Variants in YPEL2 observed in about 807,000 individuals in gnomAD.
YPEL2 encodes yippee like 2, also known as protein yippee-like 2.
In YPEL2, 2 loss-of-function variants were observed where a neutral mutation model predicts 19.1. That is an observed-to-expected ratio of 0.10 (90% CI 0.04 to 0.33). The LOEUF (loss-of-function observed/expected upper bound fraction) is 0.33, where lower values mean the gene tolerates loss of function less well. YPEL2 is among the 10% of genes least tolerant of loss of function. The pLI is 1.00. For missense variants in YPEL2, 66 were observed against 140.7 expected (o/e 0.47, Z 2.68); for synonymous variants, 52 against 50.0 (o/e 1.04, Z -0.17).
chr17:59,355,996 G>A (rs1392005493), intron 2 of YPEL2: 1 of 152,114 alleles, frequency 6.6e-6, no homozygotes, highest in African/African-American at 2.4e-5. Context: ...AGCCACCCCC[G>A]GCGTTAAATA....
chr17:59,378,638 G>T (rs974966176), intron 2 of YPEL2, among the ~76,000 whole-genome samples: 2 of 152,056 alleles, frequency 1.3e-5, no homozygotes, highest in African/African-American at 4.8e-5. Flanking sequence ...TGCCTGGCTG[G>T]ATCTCTCCCT....
intron 1 of YPEL2, among the ~76,000 whole-genome samples, chr17:59,335,971 T>A (rs2047696845): frequency 6.6e-6 from 1 of 152,196 alleles, no homozygotes; most frequent in African/African-American, 2.4e-5. Flanking sequence ...TCCCCTTAAC[T>A]TTATTTTCTT....
chr17:59,361,317 G>A (rs2047839761), intron 2 of YPEL2, among the ~76,000 whole-genome samples: 1 of 152,146 alleles, frequency 6.6e-6, no homozygotes, highest in African/African-American at 2.4e-5. Flanking sequence ...GCGCGTGCAT[G>A]CACATAGCAC....
At chr17:59,355,763 TTTG>T (rs1372348630) in intron 2 of YPEL2, 3 of 152,204 alleles carry the variant, frequency 2.0e-5, no homozygotes, top group Non-Finnish European at 4.4e-5. Context: ...AAAAAAATAC[TTTG>T]TTGGCCTCAT....
At chr17:59,344,048 C>CCCCTGCT (rs1412189058) in intron 1 of YPEL2, among the ~76,000 whole-genome samples, 1 of 152,104 alleles carries the variant, frequency 6.6e-6, no homozygotes, top group African/African-American at 2.4e-5. Context: ...GCTTGGGCAA[C>CCCCTGCT]TGGAAGCAGG....
At chr17:59,396,958 GA>G (rs2147962440) in intron 4 of YPEL2, 142 bp from the exon 5 acceptor site, 1 of 518,112 alleles carries the variant, frequency 1.9e-6, no homozygotes, top group East Asian at 3.8e-5. Context: ...TCGAACCTGG[GA>G]GGCGGAGATT....
chr17:59,387,257 TAAAAA>T (rs373789547), intron 2 of YPEL2, among the ~76,000 whole-genome samples: 13 of 77,564 alleles, frequency 1.7e-4, no homozygotes, highest in African/African-American at 4.9e-4. Context: ...AGACTCCATC[TAAAAA>T]AAAAAAAAAA....
chr17:59,350,621 C>T (rs1464693213), intron 1 of YPEL2, among the ~76,000 whole-genome samples: 1 of 152,186 alleles, frequency 6.6e-6, no homozygotes, highest in Non-Finnish European at 1.5e-5. Flanking sequence ...ACATTTAATA[C>T]AAACAAGAAA....
At chr17:59,378,558 A>T (rs950939093) in intron 2 of YPEL2, among the ~76,000 whole-genome samples, 11 of 150,770 alleles carry the variant, frequency 7.3e-5, no homozygotes, top group Non-Finnish European at 1.5e-4. Flanking sequence ...CTCGTCTTGA[A>T]CTCCCTGACC....
chr17:59,366,695 T>G (rs1221603047), intron 2 of YPEL2, among the ~76,000 whole-genome samples: 1 of 152,182 alleles, frequency 6.6e-6, no homozygotes, highest in African/African-American at 2.4e-5. Context: ...GCCTTTCCCC[T>G]TCAGATGCCA....
intron 2 of YPEL2, among the ~76,000 whole-genome samples, chr17:59,376,915 C>T (rs1276096539): frequency 7.6e-6 from 1 of 130,960 alleles, no homozygotes; most frequent in Non-Finnish European, 1.6e-5. Context: ...CACCACTGCA[C>T]TCCAACCTGA....
chr17:59,365,579 G>T (rs115196142), intron 2 of YPEL2, among the ~76,000 whole-genome samples: 3,006 of 152,194 alleles, frequency 0.02, 102 homozygotes, highest in African/African-American at 0.068. Context: ...CACTTCGGGT[G>T]GGGGGGAATC....
intron 2 of YPEL2, among the ~76,000 whole-genome samples, chr17:59,381,511 C>T (rs1222856437): frequency 6.6e-6 from 1 of 152,180 alleles, no homozygotes; most frequent in Non-Finnish European, 1.5e-5. Context: ...CACATTTGCT[C>T]TGTTGCTGCC....
At chr17:59,341,015 G>C (rs1444601956) in intron 1 of YPEL2, among the ~76,000 whole-genome samples, 1 of 148,780 alleles carries the variant, frequency 6.7e-6, no homozygotes, top group Non-Finnish European at 1.5e-5. Context: ...GCACCCGGCT[G>C]TTTTGCGGAA....
In YPEL2 at chr17:59,370,428, C is replaced by G. The variant is rs141604553; in HGVS notation, c.117+16902C>G. Among the ~76,000 whole-genome samples, 941 of 152,252 alleles carry G rather than the reference C, an allele frequency of 6.2e-3. 43 individuals are homozygous for G. The highest frequency in any genetic ancestry group is 0.057 in the Admixed American group (869 of 15,284). ...TATCAGGTCAGAACAAATGAAATAGCAGCAAAACGGTCTGTCATATATTCT... is the reference window on the plus strand; with the variant it reads ...TATCAGGTCAGAACAAATGAAATAGGAGCAAAACGGTCTGTCATATATTCT... On this transcript the variant is annotated intron_variant, in intron 2 of 4. Transcript: ENST00000312655.
chr17:59,364,074 G>C (rs1309244379), intron 2 of YPEL2, among the ~76,000 whole-genome samples: 1 of 152,130 alleles, frequency 6.6e-6, no homozygotes, highest in African/African-American at 2.4e-5. Flanking sequence ...TTGTGGTATG[G>C]TCTGTGTTGT....
chr17:59,360,605 G>A (rs990355376), intron 2 of YPEL2, among the ~76,000 whole-genome samples: 1 of 152,122 alleles, frequency 6.6e-6, no homozygotes, highest in Non-Finnish European at 1.5e-5. Flanking sequence ...TGGCTCTTTT[G>A]TACTCCTCTA....
chr17:59,350,710 T>C (rs1343610645), intron 1 of YPEL2, among the ~76,000 whole-genome samples: 1 of 152,250 alleles, frequency 6.6e-6, no homozygotes, highest in Non-Finnish European at 1.5e-5. Context: ...AACTTCTACC[T>C]GTAAACTTTT....
intron 4 of YPEL2, among the ~76,000 whole-genome samples, chr17:59,390,083 C>T (rs2147958000): frequency 6.6e-6 from 1 of 152,290 alleles, no homozygotes; most frequent in East Asian, 1.9e-4. Flanking sequence ...TCACCACAAC[C>T]TCTGTCTCCC....
Sources: allele counts gnomAD v4.1 joint callset (sites outside exome capture counted in the v4.1 genomes callset), GRCh38; gene constraint gnomAD v4.1.1; transcripts MANE v1.5; gene names NCBI Gene and HGNC (gene_info 2026-07-23, HGNC 2026-07-21).